Variants in SLC5A5 observed in about 807,000 individuals in gnomAD.
The protein encoded by SLC5A5 is solute carrier family 5 member 5.
Under a neutral mutation model 68.6 loss-of-function variants are expected in SLC5A5, and 56 were observed. The ratio of observed to expected loss-of-function variants is 0.82; its 90% CI spans 0.66 to 1.02. The LOEUF (loss-of-function observed/expected upper bound fraction) is 1.02, where lower values mean the gene tolerates loss of function less well. Ranked by LOEUF, SLC5A5 falls within the 50% of genes least tolerant of loss-of-function variation. The pLI is 0.00. For synonymous variants in SLC5A5, 398 were observed against 373.0 expected (o/e 1.07, Z -0.77); for missense variants, 807 against 859.8 (o/e 0.94, Z 0.77).
chr19:17,885,009 A>AT (rs71164317), intron 12 of SLC5A5, among the ~76,000 whole-genome samples: 13,317 of 132,346 alleles, frequency 0.1, 1,574 homozygotes, highest in African/African-American at 0.28. Context: ...AACATTTTCT[A>AT]TTTTTTTTTT....
chr19:17,892,100 C>G (rs967484336), intron 14 of SLC5A5, among the ~76,000 whole-genome samples: 4 of 152,014 alleles, frequency 2.6e-5, no homozygotes, highest in African/African-American at 9.7e-5. Flanking sequence ...TCAAGACCAG[C>G]CTGTCGAACA....
chr19:17,879,518 G>A (rs2094315728), intron 7 of SLC5A5, among the ~76,000 whole-genome samples: 1 of 152,102 alleles, frequency 6.6e-6, no homozygotes, highest in Non-Finnish European at 1.5e-5. Context: ...CTTTACAGAT[G>A]AGGAAATTGA....
chr19:17,878,390 G>A (rs182133114), intron 7 of SLC5A5, among the ~76,000 whole-genome samples: 21 of 151,986 alleles, frequency 1.4e-4, no homozygotes, highest in African/African-American at 2.9e-4. Context: ...CTGTAGTCCC[G>A]GCTACTCAGG....
At chr19:17,892,005 A>G (rs1015246375) in intron 14 of SLC5A5, among the ~76,000 whole-genome samples, 2 of 152,122 alleles carry the variant, frequency 1.3e-5, no homozygotes, top group Non-Finnish European at 2.9e-5. Flanking sequence ...TAATACAACC[A>G]GATGCTGTCA....
intron 7 of SLC5A5, among the ~76,000 whole-genome samples, chr19:17,879,559 A>G (rs1425138265): frequency 6.6e-6 from 1 of 152,120 alleles, no homozygotes; most frequent in Non-Finnish European, 1.5e-5. Context: ...CCTGAGGTCA[A>G]TGGGCAAGTC....
chr19:17,872,801 G>C (rs936976000), intron 1 of SLC5A5, 125 bp downstream of exon 1: 1 of 697,188 alleles, frequency 1.4e-6, no homozygotes, highest in East Asian at 2.7e-5. Context: ...GTGCTTTAAC[G>C]GAAGGGGCCC....
chr19:17,892,695 A>AGAGAGAGAGAGAGAGCGC (rs528009112), intron 14 of SLC5A5, among the ~76,000 whole-genome samples: 5 of 148,604 alleles, frequency 3.4e-5, no homozygotes, highest in Non-Finnish European at 3.0e-5. Flanking sequence ...AGAGAGAGAG[A>AGAGAGAGAGAGAGAGCGC]GAGCAAGCTA....
chr19:17,883,969 C>A lies in SLC5A5; in HGVS notation c.1449C>A (p.Cys483Ter). ...MRVLPSSAAR[C>*]VALSVNASGL... ...TCCTGCCATCGTCGGCTGCCCGCTG[C>A]GTGGCTCTCTCAGTCAACGCCTCTG... Residue 483 changes from cysteine (C) to a stop codon, truncating the protein, a stop_gained, in exon 12 of 15, where the codon TGC becomes TGA. Transcript: ENST00000222248. LOFTEE classifies it high-confidence loss of function. The A allele has an allele frequency of 1.3e-6, 2 of 1,566,490 alleles. No individual in the cohort carries two copies. The highest frequency in any genetic ancestry group is 1.7e-6 in the Non-Finnish European group (2 of 1,157,184).
At chr19:17,874,930 G>A (rs1203892427) in intron 4 of SLC5A5, among the ~76,000 whole-genome samples, 199 bp downstream of exon 4, 1 of 152,188 alleles carries the variant, frequency 6.6e-6, no homozygotes, top group Non-Finnish European at 1.5e-5. Context: ...GGCATGGCTG[G>A]ATCCAGGCTT....
At chr19:17,893,349 C>T (rs899308850) in intron 14 of SLC5A5, among the ~76,000 whole-genome samples, 1 of 152,148 alleles carries the variant, frequency 6.6e-6, no homozygotes, top group Admixed American at 6.5e-5. Flanking sequence ...GTGATCTGCC[C>T]ACCTTGGCCT....
rs1258616569 is a variant in SLC5A5 at position 17,875,908 on chromosome 19, C to T, written c.544-44C>T. On this transcript the variant is annotated intron_variant, in intron 4 of 14. Transcript: ENST00000222248. Reference sequence around the variant, plus strand: ...CCTAGGCACCACTGAAGGCCAGGTCCCCCATCTAACCGCCCCTCTCCCTCT... The same window carrying T: ...CCTAGGCACCACTGAAGGCCAGGTCTCCCATCTAACCGCCCCTCTCCCTCT... 4 of 1,611,280 alleles carry T rather than the reference C, an allele frequency of 2.5e-6. No individual in the cohort carries two copies. In the African/African-American group the frequency reaches 4.0e-5, roughly 16 times the overall value.
rs779063348 is a variant in SLC5A5 at position 17,878,117 on chromosome 19, T to C, written c.969+24T>C. The C allele has an allele frequency of 4.4e-6, 7 of 1,607,340 alleles. No individual in the cohort carries two copies. The Admixed American group carries it at 1.0e-4, about 23-fold the overall frequency. On this transcript the variant is annotated intron_variant, in intron 7 of 14. Coordinates refer to ENST00000222248, the MANE Select transcript of SLC5A5 (RefSeq NM_000453.3). ...AGGTGAGTCCCACCCAGGCTCCTGG[T>C]TGGCTCTGCACTCCCTCACTAGCTT...
In SLC5A5 at chr19:17,894,149, T is replaced by TTTTTC. The variant is rs1308014852; in HGVS notation, c.*276_*277insCTTTT. On this transcript the variant is annotated 3_prime_UTR_variant, in exon 15 of 15. Transcript: ENST00000222248. ...GCTGGGTTTTTCTCTCTCTCTTTTTTTTTTTTTTTTTTTTTTGAGACAGGG... is the reference window on the plus strand; with the variant it reads ...GCTGGGTTTTTCTCTCTCTCTTTTTTTTTTCTTTTTTTTTTTTTTTTGAGACAGGG... The TTTTTC allele has an allele frequency of 6.5e-3, 2,137 of 330,070 alleles. 4 individuals carry two copies. Among genetic ancestry groups the TTTTTC allele is most frequent in the Non-Finnish European group, 8.7e-3 (1,512 of 173,938 alleles). 20.4% of individuals were successfully genotyped at this position (330,070 alleles called of 1,614,324 possible). A position where few individuals can be genotyped will look rare whatever the true frequency, so the allele number is the denominator to read the frequency against.
chr19:17,878,191 C>A, intron 7 of SLC5A5, 98 bp downstream of exon 7: 2 of 1,406,096 alleles, frequency 1.4e-6, no homozygotes, highest in Admixed American at 1.7e-5. Context: ...ATGGCCTGTG[C>A]AAAGGCCAAG....
chr19:17,894,125 C>G lies in SLC5A5; in HGVS notation c.*248C>G. On this transcript the variant is annotated 3_prime_UTR_variant, in exon 15 of 15. Transcript: ENST00000222248. ...CCCTGACGGCTCCCCCCAAATAAGG[C>G]TGGGTTTTTCTCTCTCTCTTTTTTT... 1 of 463,938 alleles carries G rather than the reference C, an allele frequency of 2.2e-6. No homozygotes were observed. The highest frequency in any genetic ancestry group is 3.8e-6 in the Non-Finnish European group (1 of 260,196). The allele number at this position is 463,938 out of a possible 1,614,324, so 28.7% of individuals were successfully genotyped here.
Position 17,872,119 on chromosome 19 carries a change from C to A in SLC5A5, c.-201C>A. ...CAGACAGCGGGGACAGGGAGGCCGA[C>A]ACGGACATCGACAGCCCATAGATTC... On this transcript the variant is annotated 5_prime_UTR_variant, in exon 1 of 15. Transcript: ENST00000222248. The A allele has an allele frequency of 1.7e-6, 1 of 581,196 alleles. No individual in the cohort carries two copies. Among genetic ancestry groups the A allele is most frequent in the Non-Finnish European group, 3.1e-6 (1 of 327,834 alleles). 36.0% of individuals were successfully genotyped at this position (581,196 alleles called of 1,614,324 possible). A position where few individuals can be genotyped will look rare whatever the true frequency, so the allele number is the denominator to read the frequency against.
intron 12 of SLC5A5, among the ~76,000 whole-genome samples, chr19:17,886,070 A>G (rs954949803): frequency 2.6e-5 from 4 of 151,372 alleles, no homozygotes; most frequent in African/African-American, 7.3e-5. Flanking sequence ...CATATTGATC[A>G]GGCTGGTCTT....
chr19:17,891,459 G>T (rs1001175251), intron 14 of SLC5A5, among the ~76,000 whole-genome samples: 1 of 152,030 alleles, frequency 6.6e-6, no homozygotes, highest in Admixed American at 6.6e-5. Context: ...ACCCACCTTA[G>T]ACCCCCAAAG....
rs564755537 is a variant in SLC5A5 at position 17,881,950 on chromosome 19, C to A, written c.1059-10C>A. On this transcript the variant is annotated splice_polypyrimidine_tract_variant and intron_variant, in intron 8 of 14. Coordinates refer to ENST00000222248, the MANE Select transcript of SLC5A5 (RefSeq NM_000453.3). ...TGGCCTGAGGACCCCCCGCTGCCTT[C>A]CTCACACAGCACAGCATCCACCAGC... The A allele has an allele frequency of 3.7e-6, 6 of 1,607,948 alleles. No homozygotes were observed. In the South Asian group the frequency reaches 6.6e-5, roughly 18 times the overall value.
Sources: allele counts gnomAD v4.1 joint callset (sites outside exome capture counted in the v4.1 genomes callset), GRCh38; gene constraint gnomAD v4.1.1; transcripts MANE v1.5; gene names NCBI Gene and HGNC (gene_info 2026-07-23, HGNC 2026-07-21).